Variants in TXNL4A observed in about 807,000 individuals in gnomAD.
TXNL4A encodes thioredoxin like 4A.
Under a neutral mutation model 14.6 loss-of-function variants are expected in TXNL4A, and 17 were observed. The ratio of observed to expected loss-of-function variants is 1.16; its 90% confidence interval spans 0.80 to 1.74. TXNL4A has a LOEUF of 1.74. TXNL4A is among the 40% of genes most tolerant of loss of function. The pLI is 0.00. For missense variants in TXNL4A, 74 were observed against 195.2 expected (o/e 0.38, Z 3.70); for synonymous variants, 83 against 70.6 (o/e 1.18, Z -0.88).
At chr18:79,975,663 G>A (rs970726804) in intron 2 of TXNL4A, among the ~76,000 whole-genome samples, 1 of 152,190 alleles carries the variant, frequency 6.6e-6, no homozygotes, top group Non-Finnish European at 1.5e-5. Flanking sequence ...ACCTGGTGTG[G>A]GCTTGGAAGG....
At chr18:80,033,700 C>T (rs1251844559) in intron 1 of TXNL4A, among the ~76,000 whole-genome samples, 1 of 152,248 alleles carries the variant, frequency 6.6e-6, no homozygotes, top group Admixed American at 6.5e-5. Context: ...CTACGCAGCG[C>T]CAGGCAACCA....
intron 1 of TXNL4A, among the ~76,000 whole-genome samples, chr18:80,018,826 C>T (rs899939224): frequency 2.0e-5 from 3 of 152,136 alleles, no homozygotes; most frequent in Non-Finnish European, 4.4e-5. Context: ...TGCCAGATAC[C>T]CTAAATCATC....
At chr18:80,015,021 T>TGGGCTGTGACTGGGACTGGGACTG (rs1481638408) in intron 1 of TXNL4A, among the ~76,000 whole-genome samples, 1 of 152,230 alleles carries the variant, frequency 6.6e-6, no homozygotes, top group Non-Finnish European at 1.5e-5. Context: ...CTGCCACAGC[T>TGGGCTGTGACTGGGACTGGGACTG]GGAGTGGCTG....
rs867478314 is a variant in TXNL4A, at chr18:80,016,618, G to T, written c.-61+17233C>A. 3.3e-5 allele frequency among the ~76,000 whole-genome samples: 5 copies of T among 152,182 alleles called. No homozygotes were observed. In the South Asian group the frequency reaches 1.0e-3, roughly 32 times the overall value. Reference sequence around the variant, plus strand: ...TTCCCAGCACCATTTATTAAATAGGGAATCCTTTCCACATTGCTTGTTTTT... The same window carrying T: ...TTCCCAGCACCATTTATTAAATAGGTAATCCTTTCCACATTGCTTGTTTTT... On this transcript the variant is annotated intron_variant, in intron 1 of 2. Coordinates refer to the TXNL4A transcript ENST00000585474.
chr18:79,983,661 A>T (rs1216862702), intron 1 of TXNL4A, among the ~76,000 whole-genome samples: 1 of 152,256 alleles, frequency 6.6e-6, no homozygotes, highest in Non-Finnish European at 1.5e-5. Context: ...CCATAAAAAA[A>T]ACTGAAAAAC....
intron 1 of TXNL4A, among the ~76,000 whole-genome samples, chr18:79,986,361 T>C (rs544121631): frequency 5.9e-5 from 9 of 152,276 alleles, no homozygotes; most frequent in African/African-American, 1.9e-4. Flanking sequence ...ATAACTATAT[T>C]ATAATATTCG....
In TXNL4A at chr18:79,971,721, A is replaced by T. The variant is rs1473572003; in HGVS notation, c.*1964T>A. On this transcript the variant is annotated 3_prime_UTR_variant, in exon 3 of 3. Coordinates refer to ENST00000269601, the MANE Select transcript of TXNL4A (RefSeq NM_006701.5). ...CTCCAATTTCTCCACATCCTTGCAA[A>T]CGCTTGTTGCGATCTTTTTGTATCT... The T allele has an allele frequency of 6.6e-6, 1 of 152,018 alleles. No individual in the cohort carries two copies. The highest frequency in any genetic ancestry group is 2.4e-5 in the African/African-American group (1 of 41,376). The allele number at this position is 152,018 out of a possible 1,614,324, so 9.4% of individuals were successfully genotyped here. A position where few individuals can be genotyped will look rare whatever the true frequency, so the allele number is the denominator to read the frequency against.
intron 1 of TXNL4A, among the ~76,000 whole-genome samples, chr18:80,007,921 C>T (rs964436946): frequency 6.6e-6 from 1 of 152,072 alleles, no homozygotes; most frequent in African/African-American, 2.4e-5. Flanking sequence ...TGGGGCCTGT[C>T]CAATGGTCAC....
In TXNL4A at chr18:80,018,404, G is replaced by A. The variant is rs376431657; in HGVS notation, c.-61+15447C>T. ...AGCACGAAAGATCCAAAATTGACAC[G>A]CTAACATCGCAATTAAAAGAACTAG... is the stretch of plus-strand genomic sequence containing the variant. On this transcript the variant is annotated intron_variant, in intron 1 of 2. Transcript: ENST00000585474. Among the ~76,000 whole-genome samples, 22 of 152,108 alleles carry A rather than the reference G, an allele frequency of 1.4e-4. No individual in the cohort carries two copies. The East Asian group carries it at 2.5e-3, about 17-fold the overall frequency.
At chr18:80,032,050 G>C (rs970946715) in intron 1 of TXNL4A, among the ~76,000 whole-genome samples, 4 of 152,260 alleles carry the variant, frequency 2.6e-5, no homozygotes, top group African/African-American at 9.6e-5. Context: ...TCAGGAGGCA[G>C]TAATGTAGCC....
chr18:79,977,303 T>C, intron 2 of TXNL4A: 1 of 474,972 alleles, frequency 2.1e-6, no homozygotes, highest in Admixed American at 4.0e-5. Flanking sequence ...AGATTATAGT[T>C]CCAGGTATCT....
chr18:80,031,639 A>G (rs1376872284), intron 1 of TXNL4A, among the ~76,000 whole-genome samples: 1 of 152,260 alleles, frequency 6.6e-6, no homozygotes, highest in African/African-American at 2.4e-5. Flanking sequence ...AATGATGGCT[A>G]CATGAGTTAC....
chr18:80,022,850 T>C (rs1473001924), intron 1 of TXNL4A, among the ~76,000 whole-genome samples: 1 of 152,198 alleles, frequency 6.6e-6, no homozygotes, highest in Admixed American at 6.5e-5. Context: ...CCTTTACTCA[T>C]GGATCCAGAG....
At position 79,988,550 on chromosome 18, in the gene TXNL4A, C is replaced by G. The variant is rs1171920312; in HGVS notation, c.-158G>C. ...ACGCAAACTCCGCTGGGACTGCCAC[C>G]CGGCAGAACGTCTGGGCGCGCACGC... On this transcript the variant is annotated 5_prime_UTR_variant, in exon 1 of 3. Coordinates refer to ENST00000269601, the MANE Select transcript of TXNL4A (RefSeq NM_006701.5). 2 of 756,064 alleles carry G rather than the reference C, an allele frequency of 2.6e-6. No homozygotes were observed. The highest frequency in any genetic ancestry group is 3.7e-5 in the East Asian group (1 of 27,320). The allele number at this position is 756,064 out of a possible 1,614,324, so 46.8% of individuals were successfully genotyped here. A position where few individuals can be genotyped will look rare whatever the true frequency, so the allele number is the denominator to read the frequency against.
chr18:80,006,982 G>T (rs2051735813), intron 1 of TXNL4A, among the ~76,000 whole-genome samples: 1 of 152,166 alleles, frequency 6.6e-6, no homozygotes, highest in Admixed American at 6.5e-5. Context: ...CAAAGAAAAT[G>T]GAAGGGGAAC....
At chr18:80,033,332 G>A (rs1377051576) in intron 1 of TXNL4A, among the ~76,000 whole-genome samples, 1 of 151,840 alleles carries the variant, frequency 6.6e-6, no homozygotes, top group Non-Finnish European at 1.5e-5. Flanking sequence ...TCACACCACA[G>A]CAGCCGCCTC....
chr18:80,030,939 C>G (rs2051917067), intron 1 of TXNL4A, among the ~76,000 whole-genome samples: 1 of 152,140 alleles, frequency 6.6e-6, no homozygotes, highest in South Asian at 2.1e-4. Context: ...TGCACTCCAG[C>G]CTGGGCGATG....
intron 1 of TXNL4A, among the ~76,000 whole-genome samples, chr18:80,032,352 A>G (rs1295261895): frequency 1.3e-5 from 2 of 152,172 alleles, no homozygotes; most frequent in Admixed American, 6.5e-5. Context: ...AAGAAAAAAA[A>G]GGGGGGAAAT....
At chr18:80,008,067 G>A (rs544112313) in intron 1 of TXNL4A, among the ~76,000 whole-genome samples, 11 of 152,224 alleles carry the variant, frequency 7.2e-5, no homozygotes, top group Middle Eastern at 6.8e-3. Context: ...CAGGAGGATC[G>A]CTTGAACCCA....
Sources: allele counts gnomAD v4.1 joint callset (sites outside exome capture counted in the v4.1 genomes callset), GRCh38; gene constraint gnomAD v4.1.1; transcripts MANE v1.5; gene names NCBI Gene and HGNC (gene_info 2026-07-23, HGNC 2026-07-21).